Variants in LAMTOR3 observed in about 807,000 individuals in gnomAD.
The protein encoded by LAMTOR3 is ragulator complex protein LAMTOR3.
A neutral mutation model predicts 20.3 loss-of-function variants in LAMTOR3; 14 were observed. The observed-to-expected ratio is 0.69, with a 90% CI of 0.46 to 1.08. LAMTOR3 has a LOEUF of 1.08. LAMTOR3 is among the 50% of genes least tolerant of loss of function. The probability of loss-of-function intolerance (pLI) is 0.00; values close to 1 mark genes in which losing one functional copy is unlikely to be tolerated. For missense variants in LAMTOR3, 125 were observed against 143.7 expected (o/e 0.87, Z 0.67); for synonymous variants, 40 against 49.4 (o/e 0.81, Z 0.80).
chr4:99,886,204 G>A (rs997204067), intron 4 of LAMTOR3, among the ~76,000 whole-genome samples: 2 of 152,164 alleles, frequency 1.3e-5, no homozygotes, highest in African/African-American at 4.8e-5. Flanking sequence ...GAATATTAGA[G>A]CTGGAAAATC....
intron 5 of LAMTOR3, 56 bp from the exon 6 acceptor site, chr4:99,884,181 T>A: frequency 1.6e-6 from 2 of 1,287,274 alleles, no homozygotes; most frequent in Non-Finnish European, 2.3e-6. Context: ...GTAGTATAAC[T>A]AAACTGAAAT....
At chr4:99,885,721 T>G in intron 4 of LAMTOR3, 46 bp from the exon 5 acceptor site, 1 of 1,529,364 alleles carries the variant, frequency 6.5e-7, no homozygotes, top group African/African-American at 1.4e-5. Context: ...GAGGATATGG[T>G]AGAGAGATTT....
At chr4:99,889,651 T>G (rs955917060) in intron 3 of LAMTOR3, among the ~76,000 whole-genome samples, 3 of 152,210 alleles carry the variant, frequency 2.0e-5, no homozygotes, top group Non-Finnish European at 4.4e-5. Flanking sequence ...GGTGCCTCTT[T>G]GAGGGGAAAC....
intron 3 of LAMTOR3, among the ~76,000 whole-genome samples, chr4:99,887,748 G>C (rs954506293): frequency 6.6e-6 from 1 of 152,166 alleles, no homozygotes; most frequent in African/African-American, 2.4e-5. Context: ...TTAATACTTT[G>C]ATACTATGAA....
In LAMTOR3 at chr4:99,887,345, C is replaced by T; in HGVS notation, c.54G>A (p.Gly18=). 1.4e-6 allele frequency: 2 copies of T among 1,479,428 alleles called. No individual in the cohort carries two copies. The highest frequency in any genetic ancestry group is 1.8e-6 in the Non-Finnish European group (2 of 1,098,884). The allele number at this position is 1,479,428 out of a possible 1,614,324, so 91.6% of individuals were successfully genotyped here. A position where few individuals can be genotyped will look rare whatever the true frequency, so the allele number is the denominator to read the frequency against. Residue 18 remains glycine (G), a synonymous_variant, in exon 4 of 7, where the codon GGG becomes GGA. Transcript: ENST00000499666. ...TATCTGACACAACAATGGCATGGAG[C>T]CCTTCAACACTAGAAAAAGAAAATA... ...FLYKKLPSVE[G]LHAIVVSDRD...
intron 4 of LAMTOR3, among the ~76,000 whole-genome samples, chr4:99,886,830 ACT>A (rs1215689076): frequency 6.6e-6 from 1 of 151,962 alleles, no homozygotes; most frequent in African/African-American, 2.4e-5. Context: ...ATCCATACTG[ACT>A]CTCTGTGACA....
intron 4 of LAMTOR3, among the ~76,000 whole-genome samples, chr4:99,886,416 C>T (rs1293550116): frequency 5.9e-5 from 9 of 152,206 alleles, no homozygotes; most frequent in Admixed American, 5.9e-4. Flanking sequence ...ACCACAGGAC[C>T]TCCTTTGTTC....
In LAMTOR3 at chr4:99,879,926, A is replaced by G. The variant is rs1030100753; in HGVS notation, c.*2068T>C. 2 of 147,844 alleles carry G rather than the reference A, an allele frequency of 1.4e-5. No homozygotes were observed. Among genetic ancestry groups the G allele is most frequent in the South Asian group, 4.4e-4 (2 of 4,520 alleles). The allele number at this position is 147,844 out of a possible 1,614,324, so 9.2% of individuals were successfully genotyped here. On this transcript the variant is annotated 3_prime_UTR_variant, in exon 7 of 7. Coordinates refer to ENST00000499666, the MANE Select transcript of LAMTOR3 (RefSeq NM_021970.4). ...ACTACACACCTAGGCTATATGGTAT[A>G]GCCTACTACTACACACCTAGGCTAT...
rs572115112 is a variant in LAMTOR3, at chr4:99,883,404, T to G, written c.301+658A>C. On this transcript the variant is annotated intron_variant, in intron 6 of 6. Transcript: ENST00000499666. ...CAGACCTTTTAATAAAAATCCTACT[T>G]TATATAAAATGAAGTAAAAAAATTA... Among the ~76,000 whole-genome samples the G allele has an allele frequency of 3.9e-5, 6 of 152,120 alleles. No individual in the cohort carries two copies. In the East Asian group the frequency reaches 1.2e-3, roughly 29 times the overall value.
intron 3 of LAMTOR3, 55 bp from the exon 4 acceptor site, chr4:99,887,409 A>G: frequency 1.3e-6 from 1 of 784,328 alleles, no homozygotes. Context: ...AAATTTTAAA[A>G]AGTTAAAATA....
At chr4:99,890,497 C>T (rs1725003264) in intron 3 of LAMTOR3, among the ~76,000 whole-genome samples, 1 of 152,160 alleles carries the variant, frequency 6.6e-6, no homozygotes, top group South Asian at 2.1e-4. Context: ...AGCAACAAAT[C>T]AAAGCGTATA....
rs1180829058 is a variant in LAMTOR3 at position 99,878,931 on chromosome 4, A to C, written c.*3063T>G. Reference sequence around the variant, plus strand: ...TCTTTGACATTACCAAGTTGCAAAGAATATACTTGTAAATACATACTTTTG... The same window carrying C: ...TCTTTGACATTACCAAGTTGCAAAGCATATACTTGTAAATACATACTTTTG... On this transcript the variant is annotated 3_prime_UTR_variant, in exon 7 of 7. Transcript: ENST00000499666. 6.6e-6 allele frequency: 1 copy of C among 152,244 alleles called. No homozygotes were observed. The highest frequency in any genetic ancestry group is 1.5e-5 in the Non-Finnish European group (1 of 68,040). 9.4% of individuals were successfully genotyped at this position (152,244 alleles called of 1,614,324 possible).
At chr4:99,883,999 T>C in intron 6 of LAMTOR3, 63 bp downstream of exon 6, 4 of 1,153,366 alleles carry the variant, frequency 3.5e-6, no homozygotes, top group South Asian at 1.4e-5. Flanking sequence ...AATTAAGGTA[T>C]GGTAATTAAA....
rs1018501218 is a variant in LAMTOR3, at chr4:99,881,795, T to C, written c.*199A>G. 2 of 544,588 alleles carry C rather than the reference T, an allele frequency of 3.7e-6. No homozygotes were observed. The highest frequency in any genetic ancestry group is 2.0e-5 in the African/African-American group (1 of 49,910). The allele number at this position is 544,588 out of a possible 1,614,324, so 33.7% of individuals were successfully genotyped here. A position where few individuals can be genotyped will look rare whatever the true frequency, so the allele number is the denominator to read the frequency against. ...TGTGGTATCCCTAGATCTCACTAAATAAGAAAGACCCTACACCAGAAAATA... is the reference window on the plus strand; with the variant it reads ...TGTGGTATCCCTAGATCTCACTAAACAAGAAAGACCCTACACCAGAAAATA... On this transcript the variant is annotated 3_prime_UTR_variant, in exon 7 of 7. Transcript: ENST00000499666.
chr4:99,881,745 G>A lies in LAMTOR3; in HGVS notation c.*249C>T, dbSNP rs1446856628. 2.4e-6 allele frequency: 1 copy of A among 420,202 alleles called. No individual in the cohort carries two copies. Among genetic ancestry groups the A allele is most frequent in the Non-Finnish European group, 4.2e-6 (1 of 236,358 alleles). The allele number at this position is 420,202 out of a possible 1,614,324, so 26.0% of individuals were successfully genotyped here. A position where few individuals can be genotyped will look rare whatever the true frequency, so the allele number is the denominator to read the frequency against. ...TCTGGTGACCAGACTAACTCCATGGGAGCTGTGATAGACTGAACCATTTCT... is the reference window on the plus strand; with the variant it reads ...TCTGGTGACCAGACTAACTCCATGGAAGCTGTGATAGACTGAACCATTTCT... On this transcript the variant is annotated 3_prime_UTR_variant, in exon 7 of 7. Transcript: ENST00000499666.
In LAMTOR3 at chr4:99,882,044, C is replaced by T. The variant is rs764117490; in HGVS notation, c.325G>A (p.Glu109Lys). 14 of 1,590,818 alleles carry T rather than the reference C, an allele frequency of 8.8e-6. No homozygotes were observed. The highest frequency in any genetic ancestry group is 1.1e-5 in the Non-Finnish European group (13 of 1,172,240). The change falls in exon 7 of 7, where the codon GAA becomes AAA. Residue 109 changes from glutamate (E) to lysine (K), a missense_variant. By Grantham distance (56) the Glu-to-Lys change is moderately conservative. Around this residue, in one of 3 missense-constraint regions of LAMTOR3, gnomAD observed 22 missense variants for 31.2 expected, o/e 0.70. Coordinates refer to ENST00000499666, the MANE Select transcript of LAMTOR3 (RefSeq NM_021970.4). ...NTGLIVSLEK[E>K]LAPLFEELRQ... is the part of the protein sequence containing the mutation. ...AGTTCTTCAAACAATGGAGCAAGTT[C>T]CTTTTCTAGGCTGACAATTAGTCCT...
chr4:99,893,389 C>T (rs1271198819), intron 2 of LAMTOR3, among the ~76,000 whole-genome samples: 3 of 152,120 alleles, frequency 2.0e-5, no homozygotes, highest in African/African-American at 7.2e-5. Context: ...CAATTTTGAC[C>T]TCACATGGAT....
At chr4:99,888,658 T>C (rs1038920984) in intron 3 of LAMTOR3, among the ~76,000 whole-genome samples, 137 of 152,354 alleles carry the variant, frequency 9.0e-4, no homozygotes, top group African/African-American at 3.3e-3. Context: ...GAAATACTTA[T>C]ATTAACCTAA....
At chr4:99,887,758 A>G (rs1724955787) in intron 3 of LAMTOR3, among the ~76,000 whole-genome samples, 2 of 152,266 alleles carry the variant, frequency 1.3e-5, no homozygotes, top group South Asian at 4.1e-4. Flanking sequence ...GATACTATGA[A>G]AAACAGAAAT....
Sources: allele counts gnomAD v4.1 joint callset (sites outside exome capture counted in the v4.1 genomes callset), GRCh38; gene constraint gnomAD v4.1.1; regional missense constraint gnomAD v4.1.1; transcripts MANE v1.5; gene names NCBI Gene and HGNC (gene_info 2026-07-23, HGNC 2026-07-21).